TECTA: variants seen among roughly 807,000 people sequenced by gnomAD.
The protein encoded by TECTA is alpha-tectorin.
Under a neutral mutation model 216.8 loss-of-function variants are expected in TECTA, and 128 were observed. The ratio of observed to expected loss-of-function variants is 0.59; its 90% CI spans 0.51 to 0.68. The LOEUF is 0.68. Among genes scored for constraint, TECTA ranks in the 30% least tolerant of loss-of-function variants. The probability of loss-of-function intolerance (pLI) is 0.00; values close to 1 mark genes in which losing one functional copy is unlikely to be tolerated. For synonymous variants in TECTA, 1,089 were observed against 1,117.1 expected, an observed-to-expected ratio of 0.97 and a Z score of 0.50; for missense variants, 2,551 against 2,786.2, an observed-to-expected ratio of 0.92 and a Z score of 1.90.
intron 10 of TECTA, among the ~76,000 whole-genome samples, chr11:121,136,899 A>G (rs1174533923): frequency 1.3e-5 from 2 of 152,226 alleles, no homozygotes; most frequent in Non-Finnish European, 2.9e-5. Context: ...GAGATAAGGT[A>G]CACAAAAGTG....
In TECTA at chr11:121,166,727, T is replaced by G; in HGVS notation, c.5533T>G (p.Phe1845Val). ...RQCTGIEGED[F>V]ISFQINNTKG... ...GTGCACCGGCATCGAGGGGGAAGATTTTATCTCCTTTCAGATCAACAACAC... is the reference window on the plus strand; with the variant it reads ...GTGCACCGGCATCGAGGGGGAAGATGTTATCTCCTTTCAGATCAACAACAC... Residue 1845 changes from phenylalanine to valine, a missense_variant, in exon 18 of 24, where the codon TTT (phenylalanine) becomes GTT (valine). This residue lies in a region of TECTA where 2,375 missense variants were observed against 2,563.9 expected (regional missense o/e 0.93). Coordinates refer to ENST00000392793, the MANE Select transcript of TECTA (RefSeq NM_005422.4). The G allele has an allele frequency of 6.2e-7, 1 of 1,614,150 alleles. No homozygotes were observed. The highest frequency in any genetic ancestry group is 2.2e-5 in the East Asian group (1 of 44,884).
At chr11:121,187,088 C>T (rs759336565) in intron 20 of TECTA, among the ~76,000 whole-genome samples, 8 of 151,948 alleles carry the variant, frequency 5.3e-5, no homozygotes, top group Non-Finnish European at 7.4e-5. Flanking sequence ...GAGAGGTTGC[C>T]GTAGAACTGG....
intron 6 of TECTA, among the ~76,000 whole-genome samples, chr11:121,114,189 C>G (rs659434): frequency 0.39 from 59,662 of 152,014 alleles, 13,204 homozygotes; most frequent in Non-Finnish European, 0.5. Flanking sequence ...TAAATCAGTA[C>G]TTCCTAGTAT....
intron 20 of TECTA, among the ~76,000 whole-genome samples, chr11:121,183,789 T>A (rs1030508267): frequency 6.6e-6 from 1 of 152,222 alleles, no homozygotes; most frequent in Non-Finnish European, 1.5e-5. Flanking sequence ...TTGTATTTTT[T>A]AATTTCATTC....
chr11:121,102,633 A>G (rs1946356444), intron 1 of TECTA, 32 bp from the exon 2 acceptor site: 2 of 1,555,158 alleles, frequency 1.3e-6, no homozygotes, highest in South Asian at 1.1e-5. Flanking sequence ...CAAGCTGGGG[A>G]TTTTTTTTTC....
chr11:121,142,760 C>T (rs1016773035), intron 11 of TECTA, among the ~76,000 whole-genome samples: 5 of 152,218 alleles, frequency 3.3e-5, no homozygotes, highest in African/African-American at 1.2e-4. Flanking sequence ...ACTGTCACTG[C>T]ACCTCTCCAC....
intron 16 of TECTA, 70 bp downstream of exon 16, chr11:121,162,440 T>C: frequency 1.3e-6 from 2 of 1,531,134 alleles, no homozygotes; most frequent in Non-Finnish European, 1.8e-6. Flanking sequence ...GTAGCATTGC[T>C]TTTTCTAGGG....
In TECTA at chr11:121,105,920, G is replaced by T. The variant is rs1946385730; in HGVS notation, c.154G>T (p.Ala52Ser). 1.2e-6 allele frequency: 2 copies of T among 1,614,064 alleles called. No homozygotes were observed. The highest frequency in any genetic ancestry group is 2.7e-5 in the African/African-American group (2 of 74,932). ...TGGAAGCTCATCTGAGATTAAGTTG[G>T]CCATCCCAGTTTTCTTCTTTGGCGT... ...DDGSSSEIKL[A>S]IPVFFFGVPY... The change falls in exon 3 of 24, where the codon GCC becomes TCC. Residue 52 changes from alanine to serine, a missense_variant. Ala to Ser is a moderately conservative substitution (Grantham distance 99). Coordinates refer to ENST00000392793, the MANE Select transcript of TECTA (RefSeq NM_005422.4). The surrounding 1 kb of genome is among the most constrained non-coding windows in gnomAD (Gnocchi z 5.3).
Position 121,190,821 on chromosome 11 carries a change from C to T in TECTA, c.*15C>T. ...CGACCTCATAATTAACTCAAGGTTG[C>T]TATATAAAGTACTGTAATTTACTTA... On this transcript the variant is annotated 3_prime_UTR_variant, in exon 24 of 24. Transcript: ENST00000392793. The T allele has an allele frequency of 1.3e-6, 2 of 1,580,302 alleles. No homozygotes were observed. Among genetic ancestry groups the T allele is most frequent in the Non-Finnish European group, 1.7e-6 (2 of 1,151,734 alleles).
chr11:121,160,766 G>A (rs1238343680), intron 15 of TECTA, among the ~76,000 whole-genome samples: 3 of 152,226 alleles, frequency 2.0e-5, no homozygotes, highest in African/African-American at 7.2e-5. Flanking sequence ...ATTAAGAGGT[G>A]ACTGAGAAGA....
rs1293526766 is a variant in TECTA at position 121,117,402 on chromosome 11, C to T, written c.791-904C>T. 2.0e-5 allele frequency among the ~76,000 whole-genome samples: 3 copies of T among 152,306 alleles called. No homozygotes were observed. In the South Asian group the frequency reaches 6.2e-4, roughly 32 times the overall value. On this transcript the variant is annotated intron_variant, in intron 6 of 23. Coordinates refer to ENST00000392793, the MANE Select transcript of TECTA (RefSeq NM_005422.4). ...AAGGACTAGATCACAGTCCCCAGCCCAGACGTGTTTCTATTTCAATTAAAG... is the reference window on the plus strand; with the variant it reads ...AAGGACTAGATCACAGTCCCCAGCCTAGACGTGTTTCTATTTCAATTAAAG...
chr11:121,167,843 G>A (rs1947069552), intron 18 of TECTA, among the ~76,000 whole-genome samples: 2 of 152,206 alleles, frequency 1.3e-5, no homozygotes, highest in Admixed American at 1.3e-4. Context: ...GGTATTCAAG[G>A]TTATCAGACT....
chr11:121,105,935 T>C lies in TECTA; in HGVS notation c.169T>C (p.Phe57Leu). 6.2e-7 allele frequency: 1 copy of C among 1,614,232 alleles called. No individual in the cohort carries two copies. Among genetic ancestry groups the C allele is most frequent in the South Asian group, 1.1e-5 (1 of 91,082 alleles). Residue 57 changes from phenylalanine to leucine, a missense_variant, in exon 3 of 24, where the codon TTC becomes CTC. Phe to Leu is a conservative substitution (Grantham distance 22). Coordinates refer to ENST00000392793, the MANE Select transcript of TECTA (RefSeq NM_005422.4). This position sits in a 1 kb window ranked among gnomAD's most constrained non-coding sequence, Gnocchi z 5.3. Reference sequence around the variant, plus strand: ...GATTAAGTTGGCCATCCCAGTTTTCTTCTTTGGCGTTCCTTACCGCACTGT... The same window carrying C: ...GATTAAGTTGGCCATCCCAGTTTTCCTCTTTGGCGTTCCTTACCGCACTGT... Reference protein sequence around the residue: ...SEIKLAIPVFFFGVPYRTVYV... With the variant: ...SEIKLAIPVFLFGVPYRTVYV...
At chr11:121,170,441 T>C (rs924255254) in intron 20 of TECTA, among the ~76,000 whole-genome samples, 1 of 145,802 alleles carries the variant, frequency 6.9e-6, no homozygotes, top group Admixed American at 6.7e-5. Flanking sequence ...TTGTTTTGTT[T>C]GGTTTTGTTT....
intron 13 of TECTA, 137 bp from the exon 14 acceptor site, chr11:121,157,704 C>T (rs755709629): frequency 2.3e-5 from 28 of 1,220,978 alleles, no homozygotes; most frequent in Non-Finnish European, 3.1e-5. Flanking sequence ...GCCGTTTCCC[C>T]ACTGCTGCCT....
At chr11:121,163,690 A>G (rs1029178466) in intron 16 of TECTA, among the ~76,000 whole-genome samples, 1 of 152,236 alleles carries the variant, frequency 6.6e-6, no homozygotes, top group African/African-American at 2.4e-5. Context: ...AAAAAAATAC[A>G]TATATCATTA....
At chr11:121,181,921 T>C (rs1443280242) in intron 20 of TECTA, among the ~76,000 whole-genome samples, 1 of 152,188 alleles carries the variant, frequency 6.6e-6, no homozygotes, top group Non-Finnish European at 1.5e-5. Context: ...GTATCTATAG[T>C]GTTGGTTGGG....
intron 16 of TECTA, among the ~76,000 whole-genome samples, chr11:121,163,367 C>A (rs960542677): frequency 6.8e-6 from 1 of 148,064 alleles, no homozygotes; most frequent in Non-Finnish European, 1.5e-5. Flanking sequence ...TAAGAATACT[C>A]ATGTTCTCAC....
In TECTA at chr11:121,138,003, CTTACAAGCACACTG is replaced by C. The variant is rs754681578; in HGVS notation, c.3526_3539del (p.Tyr1176AlafsTer5). 1.9e-6 allele frequency: 3 copies of C among 1,613,686 alleles called. No homozygotes were observed. The highest frequency in any genetic ancestry group is 2.5e-6 in the Non-Finnish European group (3 of 1,179,718). On this transcript the variant is annotated frameshift_variant, in exon 11 of 24. Coordinates refer to ENST00000392793, the MANE Select transcript of TECTA (RefSeq NM_005422.4). LOFTEE classifies it high-confidence loss of function. ...GGCTACAGCATCGTGATCCACCGAG[CTTACAAGCACACTG>C]TGCTGGTGAGTAGTCATGAGGTCCC... is the stretch of plus-strand genomic sequence containing the variant.
Sources: allele counts gnomAD v4.1 joint callset (sites outside exome capture counted in the v4.1 genomes callset), GRCh38; gene constraint gnomAD v4.1.1; regional missense constraint gnomAD v4.1.1; non-coding constraint Gnocchi (gnomAD v3.1); transcripts MANE v1.5; gene names NCBI Gene and HGNC (gene_info 2026-07-23, HGNC 2026-07-21).